Variants in PLD5 observed in about 807,000 individuals in gnomAD.
PLD5 encodes the protein inactive phospholipase D5.
A neutral mutation model predicts 61.1 loss-of-function variants in PLD5; 36 were observed. The ratio of observed to expected loss-of-function variants is 0.59; its 90% CI spans 0.45 to 0.78. PLD5 has a LOEUF of 0.78. PLD5 is among the 30% of genes least tolerant of loss of function. The probability of loss-of-function intolerance (pLI) is 0.00; values close to 1 mark genes in which losing one functional copy is unlikely to be tolerated. For missense variants in PLD5, 515 were observed against 644.4 expected (o/e 0.80, Z 2.17); for synonymous variants, 243 against 242.8 (o/e 1.00, Z -0.01).
Position 242,509,509 on chromosome 1 carries a change from G to A in PLD5, c.189+14579C>T, listed in dbSNP as rs1010509603. ...CGGGGATATTCCATCTGTTCCATGC[G>A]GCCCCTGCCTTTCTTTCTTCCTCCT... is the stretch of plus-strand genomic sequence containing the variant. On this transcript the variant is annotated intron_variant, in intron 1 of 9. Coordinates refer to ENST00000536534, the MANE Select transcript of PLD5 (RefSeq NM_001372062.1). Among the ~76,000 whole-genome samples the A allele has an allele frequency of 5.3e-5, 8 of 152,102 alleles. No homozygotes were observed. The East Asian group carries it at 9.6e-4, about 18-fold the overall frequency.
upstream of PLD5, among the ~76,000 whole-genome samples, chr1:242,527,308 T>C (rs1669471998): frequency 6.6e-6 from 1 of 151,884 alleles, no homozygotes; most frequent in Non-Finnish European, 1.5e-5. Context: ...TTTTTGTTAT[T>C]TATTTTTAGT....
At chr1:242,201,375 T>TA (rs1200404052) in intron 5 of PLD5, among the ~76,000 whole-genome samples, 3 of 152,150 alleles carry the variant, frequency 2.0e-5, no homozygotes, top group Non-Finnish European at 2.9e-5. Flanking sequence ...TTTTTCCAAT[T>TA]AAAAATATGA....
At chr1:242,343,816 T>C (rs568350424) in intron 2 of PLD5, among the ~76,000 whole-genome samples, 1 of 151,420 alleles carries the variant, frequency 6.6e-6, no homozygotes, top group African/African-American at 2.4e-5. Context: ...TTCAAGATGC[T>C]GCAGGAAGCA....
At chr1:242,371,283 A>G (rs967393877) in intron 1 of PLD5, among the ~76,000 whole-genome samples, 24 of 152,046 alleles carry the variant, frequency 1.6e-4, no homozygotes, top group African/African-American at 5.3e-4. Flanking sequence ...CCTTTAAACC[A>G]TCTAATCTAA....
chr1:242,285,364 G>A (rs936471217), intron 3 of PLD5, among the ~76,000 whole-genome samples: 41 of 152,130 alleles, frequency 2.7e-4, no homozygotes, highest in African/African-American at 9.7e-4. Context: ...TTGGTGTGGT[G>A]GCAGGTGCCT....
rs1477030558 is a variant in PLD5 at position 242,403,119 on chromosome 1, C to T, written c.190-54877G>A. Among the ~76,000 whole-genome samples, 8 of 152,324 alleles carry T rather than the reference C, an allele frequency of 5.3e-5. No homozygotes were observed. In the East Asian group the frequency reaches 1.2e-3, roughly 22 times the overall value. On this transcript the variant is annotated intron_variant, in intron 1 of 9. Coordinates refer to ENST00000536534, the MANE Select transcript of PLD5 (RefSeq NM_001372062.1). ...CGGAAAGATGCTTAATCATCCCTTT[C>T]GGTGAGGCGGTGCCTTTGGCATGGT...
intron 3 of PLD5, among the ~76,000 whole-genome samples, chr1:242,267,874 C>G (rs1202248086): frequency 2.7e-5 from 4 of 145,840 alleles, no homozygotes; most frequent in African/African-American, 1.0e-4. Context: ...CAGCTAGACC[C>G]CATCTCCAAA....
chr1:242,278,504 TG>T (rs1674537735), intron 3 of PLD5, among the ~76,000 whole-genome samples: 1 of 152,012 alleles, frequency 6.6e-6, no homozygotes, highest in Admixed American at 6.6e-5. Flanking sequence ...ACTCAACAGA[TG>T]GGGAAATGGC....
intron 3 of PLD5, among the ~76,000 whole-genome samples, chr1:242,279,238 G>A (rs1429749468): frequency 6.6e-6 from 1 of 152,208 alleles, no homozygotes. Context: ...CTGGGGTAGG[G>A]ACCAACCTGG....
chr1:242,300,642 G>A (rs1675981745), intron 2 of PLD5, among the ~76,000 whole-genome samples: 1 of 151,666 alleles, frequency 6.6e-6, no homozygotes, highest in East Asian at 1.9e-4. Flanking sequence ...TGAGGTTGTG[G>A]TTTATACTGT....
chr1:242,407,589 T>C (rs1210795851), intron 1 of PLD5, among the ~76,000 whole-genome samples: 1 of 144,428 alleles, frequency 6.9e-6, no homozygotes, highest in East Asian at 2.0e-4. Flanking sequence ...TGAGACGGAG[T>C]TTTGCTCTGT....
intron 6 of PLD5, among the ~76,000 whole-genome samples, chr1:242,123,752 G>C (rs7544277): frequency 0.067 from 10,218 of 152,246 alleles, 1,135 homozygotes; most frequent in African/African-American, 0.23. Context: ...AGGATCTACT[G>C]TACTACAGTT....
intron 6 of PLD5, among the ~76,000 whole-genome samples, chr1:242,121,788 G>C (rs1662383671): frequency 6.6e-6 from 1 of 152,116 alleles, no homozygotes; most frequent in South Asian, 2.1e-4. Flanking sequence ...CACATCCTTT[G>C]TAGGGACATG....
intron 2 of PLD5, among the ~76,000 whole-genome samples, chr1:242,289,890 T>C (rs71494854): frequency 1.3e-5 from 2 of 151,700 alleles, no homozygotes; most frequent in Non-Finnish European, 2.9e-5. Flanking sequence ...ACAAAAACAA[T>C]ACTGCTAGTA....
intron 4 of PLD5, among the ~76,000 whole-genome samples, chr1:242,254,512 A>C (rs1299479176): frequency 6.6e-6 from 1 of 152,184 alleles, no homozygotes; most frequent in Non-Finnish European, 1.5e-5. Flanking sequence ...TCTACCAAAA[A>C]TACAAAAATT....
At chr1:242,415,234 G>A (rs1274575097) in intron 1 of PLD5, among the ~76,000 whole-genome samples, 1 of 152,142 alleles carries the variant, frequency 6.6e-6, no homozygotes, top group Non-Finnish European at 1.5e-5. Flanking sequence ...CTCTCACTCA[G>A]TAACCCCTCT....
chr1:242,176,709 T>A (rs1225291814), intron 5 of PLD5, among the ~76,000 whole-genome samples: 1 of 152,196 alleles, frequency 6.6e-6, no homozygotes, highest in Non-Finnish European at 1.5e-5. Context: ...ATATCCAGCA[T>A]CTACAAAGAA....
chr1:242,132,650 A>G (rs987447660), intron 5 of PLD5, among the ~76,000 whole-genome samples: 1 of 152,054 alleles, frequency 6.6e-6, no homozygotes, highest in East Asian at 1.9e-4. Context: ...CAAGAATTGA[A>G]TCTTGGGAGC....
Position 242,275,063 on chromosome 1 carries a change from A to G in PLD5, c.496-9615T>C, listed in dbSNP as rs545917967. Among the ~76,000 whole-genome samples the G allele has an allele frequency of 2.8e-4, 42 of 152,166 alleles. No individual in the cohort carries two copies. In the South Asian group the frequency reaches 3.1e-3, roughly 11 times the overall value. ...TTATCCTACTTACACACATATATATATGTGTGTGTATACGTGCATATAAAG... is the reference window on the plus strand; with the variant it reads ...TTATCCTACTTACACACATATATATGTGTGTGTGTATACGTGCATATAAAG... On this transcript the variant is annotated intron_variant, in intron 3 of 9. Coordinates refer to ENST00000536534, the MANE Select transcript of PLD5 (RefSeq NM_001372062.1).
Sources: gnomAD v4.1 joint callset for allele counts (sites outside exome capture counted in the v4.1 genomes callset) on GRCh38, gnomAD v4.1.1 for gene constraint, MANE v1.5 for transcripts, NCBI Gene and HGNC (gene_info 2026-07-23, HGNC 2026-07-21) for gene names.